GOLM1: variants seen among roughly 807,000 people sequenced by gnomAD.
The protein encoded by GOLM1 is epididymis luminal protein 46.
GOLM1 carries 31 observed loss-of-function variants against 50.5 expected under a neutral mutation model. That is an observed-to-expected ratio of 0.61 (90% confidence interval 0.46 to 0.83). The LOEUF is 0.83. Ranked by LOEUF, GOLM1 falls within the 40% of genes least tolerant of loss-of-function variation. GOLM1 has a pLI of 0.00. For synonymous variants in GOLM1, 178 were observed against 192.8 expected, an observed-to-expected ratio of 0.92 and a Z score of 0.64; for missense variants, 491 against 501.3, an observed-to-expected ratio of 0.98 and a Z score of 0.20.
intron 4 of GOLM1, among the ~76,000 whole-genome samples, chr9:86,047,508 G>T (rs894320290): frequency 2.0e-5 from 3 of 152,178 alleles, no homozygotes; most frequent in African/African-American, 4.8e-5. Context: ...AGAACAGCTG[G>T]GTGGGTGCTG....
chr9:86,085,385 A>G (rs1834921195), intron 1 of GOLM1, among the ~76,000 whole-genome samples: 1 of 145,884 alleles, frequency 6.9e-6, no homozygotes, highest in Non-Finnish European at 1.5e-5. Context: ...TTGGTCCTTC[A>G]TTTGAATAAT....
chr9:86,053,550 AC>A (rs1833859242), intron 3 of GOLM1, among the ~76,000 whole-genome samples: 1 of 102 alleles, frequency 9.8e-3, no homozygotes, highest in African/African-American at 0.023. Context: ...CACACCAAAC[AC>A]ACACTACACA....
At chr9:86,040,445 C>G (rs1266913205) in intron 6 of GOLM1, among the ~76,000 whole-genome samples, 1 of 152,122 alleles carries the variant, frequency 6.6e-6, no homozygotes, top group South Asian at 2.1e-4. Context: ...TTAACCCCTC[C>G]CATGGGGCTG....
intron 1 of GOLM1, among the ~76,000 whole-genome samples, chr9:86,085,534 G>T (rs758556332): frequency 8.7e-5 from 13 of 148,572 alleles, no homozygotes; most frequent in Non-Finnish European, 1.8e-4. Context: ...AAACGTGCAG[G>T]TTTGTTACAT....
rs551817308 is a variant in GOLM1, at chr9:86,077,475, G to A, written c.246C>T (p.Asp82=). ...GGAAGTTGTGGCTGGACTGGATTTT[G>A]TCAAGCTGCTCCCGCTGCTTCTCCA... The part of the protein sequence containing the change: ...GELEKQREQL[D]KIQSSHNFQL... The change falls in exon 3 of 10, where the codon GAC becomes GAT. Residue 82 remains aspartate (D), a synonymous_variant. Transcript: ENST00000388712. The A allele has an allele frequency of 5.2e-5, 84 of 1,614,116 alleles. No homozygotes were observed. Among genetic ancestry groups the A allele is most frequent in the Non-Finnish European group, 6.7e-5 (79 of 1,179,964 alleles).
At position 86,027,753 on chromosome 9, in the gene GOLM1, C is replaced by G; in HGVS notation, c.*64G>C. The G allele has an allele frequency of 6.4e-7, 1 of 1,566,626 alleles. No individual in the cohort carries two copies. The highest frequency in any genetic ancestry group is 8.6e-7 in the Non-Finnish European group (1 of 1,157,954). On this transcript the variant is annotated 3_prime_UTR_variant, in exon 10 of 10. Coordinates refer to ENST00000388712, the MANE Select transcript of GOLM1 (RefSeq NM_016548.4). ...CATTTCACAGTTTTCAGTATTCAGTCCCTCATGAACATTTTATAGTCATCT... is the reference window on the plus strand; with the variant it reads ...CATTTCACAGTTTTCAGTATTCAGTGCCTCATGAACATTTTATAGTCATCT...
chr9:86,045,926 A>G (rs1833524713), intron 5 of GOLM1, among the ~76,000 whole-genome samples: 1 of 152,148 alleles, frequency 6.6e-6, no homozygotes, highest in Non-Finnish European at 1.5e-5. Flanking sequence ...AAATAAACAC[A>G]ACTTTATCCT....
chr9:86,081,859 A>G (rs1028855107), intron 1 of GOLM1, among the ~76,000 whole-genome samples: 16 of 150,710 alleles, frequency 1.1e-4, no homozygotes, highest in South Asian at 6.4e-4. Flanking sequence ...ACTGCACTCC[A>G]GCCTGGGCGA....
chr9:86,055,398 C>T (rs777941604), intron 3 of GOLM1, among the ~76,000 whole-genome samples: 6 of 152,090 alleles, frequency 3.9e-5, no homozygotes. Flanking sequence ...GCGTGAAAAG[C>T]GAAAAGATTA....
intron 3 of GOLM1, 104 bp downstream of exon 3, chr9:86,077,308 T>A (rs1399532049): frequency 1.1e-6 from 1 of 900,276 alleles, no homozygotes; most frequent in Admixed American, 2.0e-5. Context: ...CATAATTACA[T>A]AAATCTAAAC....
chr9:86,045,859 G>A (rs1211790970), intron 5 of GOLM1, among the ~76,000 whole-genome samples: 2 of 152,060 alleles, frequency 1.3e-5, no homozygotes, highest in South Asian at 4.1e-4. Flanking sequence ...ATGGGTGGTT[G>A]GTTCTCTCTG....
At position 86,031,279 on chromosome 9, in the gene GOLM1, C is replaced by T. The variant is rs527991106; in HGVS notation, c.1129+2003G>A. Among the ~76,000 whole-genome samples the T allele has an allele frequency of 2.2e-4, 34 of 151,860 alleles. 1 individual carries two copies. The highest frequency in any genetic ancestry group is 6.5e-4 in the African/African-American group (27 of 41,382). ...AACTGAAGTGAAGTAGTTGTTACAACGACTCCTGCTGCCCTGAGGATTTCT... is the reference window on the plus strand; with the variant it reads ...AACTGAAGTGAAGTAGTTGTTACAATGACTCCTGCTGCCCTGAGGATTTCT... On this transcript the variant is annotated intron_variant, in intron 9 of 9. Transcript: ENST00000388712.
chr9:86,038,397 A>G (rs1256418822), intron 6 of GOLM1, among the ~76,000 whole-genome samples: 2 of 152,092 alleles, frequency 1.3e-5, no homozygotes, highest in Admixed American at 6.6e-5. Context: ...CGAGGAGCGC[A>G]TTACCCAGAG....
chr9:86,061,832 G>A (rs893526859), intron 3 of GOLM1, among the ~76,000 whole-genome samples: 1 of 152,144 alleles, frequency 6.6e-6, no homozygotes, highest in Non-Finnish European at 1.5e-5. Flanking sequence ...AGTGGCTAAA[G>A]GTTTAGGGGA....
chr9:86,079,156 CATAAA>C (rs778043762), intron 2 of GOLM1, 31 bp downstream of exon 2: 22 of 1,477,786 alleles, frequency 1.5e-5, no homozygotes, highest in African/African-American at 2.9e-5. Context: ...AAAACATAAA[CATAAA>C]ATAAACATAA....
At chr9:86,076,909 G>T (rs948900256) in intron 3 of GOLM1, among the ~76,000 whole-genome samples, 2 of 151,764 alleles carry the variant, frequency 1.3e-5, no homozygotes, top group Non-Finnish European at 2.9e-5. Context: ...TAGCAGGAAG[G>T]CCCCTTTAAA....
chr9:86,035,750 G>T, intron 7 of GOLM1, 125 bp from the exon 8 acceptor site: 2 of 852,530 alleles, frequency 2.3e-6, no homozygotes, highest in Non-Finnish European at 3.6e-6. Flanking sequence ...GGGTGGGGTG[G>T]GCTGCACACA....
chr9:86,070,510 G>A (rs1228464982), intron 3 of GOLM1, among the ~76,000 whole-genome samples: 1 of 151,694 alleles, frequency 6.6e-6, no homozygotes, highest in Non-Finnish European at 1.5e-5. Flanking sequence ...GGCGGAGGTT[G>A]CAGTGAGCTG....
chr9:86,098,754 G>C (rs997247705), intron 1 of GOLM1, among the ~76,000 whole-genome samples: 10 of 152,356 alleles, frequency 6.6e-5, no homozygotes, highest in African/African-American at 2.2e-4. Flanking sequence ...AAGTTGTGTG[G>C]ATCCTCCACG....
Sources: gnomAD v4.1 joint callset for allele counts (sites outside exome capture counted in the v4.1 genomes callset) on GRCh38, gnomAD v4.1.1 for gene constraint, MANE v1.5 for transcripts, NCBI Gene and HGNC (gene_info 2026-07-23, HGNC 2026-07-21) for gene names.